Variants in KIF15 observed in about 807,000 individuals in gnomAD.
KIF15 encodes kinesin-like protein KIF15.
A neutral mutation model predicts 190.6 loss-of-function variants in KIF15; 140 were observed. The observed-to-expected ratio is 0.73, with a 90% CI of 0.64 to 0.84. KIF15 has a LOEUF of 0.84. KIF15 is among the 40% of genes least tolerant of loss of function. The pLI, the probability that KIF15 is intolerant of heterozygous loss-of-function variation, is 0.00. For missense variants in KIF15, 1,372 were observed against 1,584.4 expected (o/e 0.87, Z 2.28); for synonymous variants, 528 against 551.3 (o/e 0.96, Z 0.59).
intron 10 of KIF15, among the ~76,000 whole-genome samples, chr3:44,799,503 G>A (rs924738259): frequency 5.9e-5 from 9 of 151,502 alleles, no homozygotes; most frequent in Admixed American, 1.3e-4. Flanking sequence ...GTTGGCACTC[G>A]TTATCACCCT....
Position 44,796,545 on chromosome 3 carries a change from G to A in KIF15, c.850-1006G>A, listed in dbSNP as rs146158828. On this transcript the variant is annotated intron_variant, in intron 8 of 34. Transcript: ENST00000326047. The stretch of plus-strand genomic sequence containing the variant: ...CTGAGATTCAAACCGAGCTGCTACA[G>A]TACTCTCAACCATGCCACTAACCAC... 8.4e-3 allele frequency among the ~76,000 whole-genome samples: 1,275 copies of A among 152,296 alleles called. 16 individuals are homozygous for A. Among genetic ancestry groups the A allele is most frequent in the African/African-American group, 0.028 (1,165 of 41,564 alleles).
chr3:44,786,672 G>A, intron 7 of KIF15, 98 bp downstream of exon 7: 2 of 878,356 alleles, frequency 2.3e-6, no homozygotes, highest in East Asian at 2.6e-5. Flanking sequence ...CCAAAAATAT[G>A]TCATAAAGGC....
intron 5 of KIF15, among the ~76,000 whole-genome samples, chr3:44,783,881 T>C (rs1706280836): frequency 6.6e-6 from 1 of 152,246 alleles, no homozygotes; most frequent in Admixed American, 6.5e-5. Context: ...CTAGATCTTT[T>C]CTAGCTATAT....
intron 6 of KIF15, among the ~76,000 whole-genome samples, chr3:44,861,060 C>T (rs1202083346): frequency 6.6e-6 from 1 of 152,190 alleles, no homozygotes; most frequent in Non-Finnish European, 1.5e-5. Context: ...GGCATGATCT[C>T]AGCTCACCAC....
At chr3:44,778,515 T>C (rs1706003644) in intron 4 of KIF15, among the ~76,000 whole-genome samples, 1 of 152,166 alleles carries the variant, frequency 6.6e-6, no homozygotes. Context: ...TCTTCTTCCT[T>C]AGTCACACCT....
At chr3:44,865,010 G>C in intron 6 of KIF15, 3 of 1,612,138 alleles carry the variant, frequency 1.9e-6, no homozygotes, top group Non-Finnish European at 2.5e-6. Flanking sequence ...TGCTGAAGTT[G>C]AGTCCCTCAC....
intron 6 of KIF15, chr3:44,865,045 C>G: frequency 6.2e-7 from 1 of 1,614,080 alleles, no homozygotes; most frequent in Non-Finnish European, 8.5e-7. Flanking sequence ...CGCAGGCCTT[C>G]CTGGGCTATG....
intron 20 of KIF15, among the ~76,000 whole-genome samples, chr3:44,815,543 T>C (rs1170166094): frequency 6.6e-6 from 1 of 152,150 alleles, no homozygotes; most frequent in Admixed American, 6.5e-5. Context: ...TGACATAGAG[T>C]AATGTGCCTG....
At chr3:44,810,797 C>A in intron 16 of KIF15, 49 bp from the exon 17 acceptor site, 1 of 1,393,928 alleles carries the variant, frequency 7.2e-7, no homozygotes, top group Non-Finnish European at 9.9e-7. Context: ...ATTAAATATG[C>A]CCTTTTTAAA....
intron 20 of KIF15, among the ~76,000 whole-genome samples, chr3:44,819,985 T>C (rs1300888425): frequency 3.3e-5 from 5 of 152,368 alleles, no homozygotes; most frequent in Non-Finnish European, 5.9e-5. Flanking sequence ...AATTGATCCC[T>C]TTATCATTAT....
rs1706269007 is a variant in KIF15 at position 44,783,592 on chromosome 3, A to T, written c.362-1253A>T. Among the ~76,000 whole-genome samples, 5 of 97,204 alleles carry T rather than the reference A, an allele frequency of 5.1e-5. No homozygotes were observed. In the South Asian group the frequency reaches 1.9e-3, roughly 38 times the overall value. 63.8% of individuals were successfully genotyped at this position (97,204 alleles called of 152,430 possible). On this transcript the variant is annotated intron_variant, in intron 5 of 34. Transcript: ENST00000326047. ...GGGGCAAAACATACTATATCTTTAT[A>T]TAATATATTCTTCAATGGGAAAATG...
Position 44,775,322 on chromosome 3 carries a change from A to G in KIF15, c.131A>G (p.Asp44Gly). Residue 44 changes from aspartate to glycine, a missense_variant, in exon 3 of 35, where the codon GAT becomes GGT. Transcript: ENST00000326047. ...RPPAERSGSA[D>G]GEQNLCLSVL... ...CCTGCAGAAAGATCTGGGTCAGCTG[A>G]TGGAGAGCAGAACTTATGCTTATCT... The G allele has an allele frequency of 6.2e-7, 1 of 1,614,076 alleles. No homozygotes were observed. Among genetic ancestry groups the G allele is most frequent in the South Asian group, 1.1e-5 (1 of 91,084 alleles).
Position 44,843,249 on chromosome 3 carries a change from C to G in KIF15, c.3695+15C>G, listed in dbSNP as rs760289291. On this transcript the variant is annotated intron_variant, in intron 30 of 34. Transcript: ENST00000326047. ...AAGGAAAACAGGTGAGAAAGAACCA[C>G]GAGAACTCTATGGGCTAAATCTTGG... 4.5e-6 allele frequency: 7 copies of G among 1,548,212 alleles called. No homozygotes were observed. The highest frequency in any genetic ancestry group is 6.2e-6 in the Non-Finnish European group (7 of 1,122,576).
rs751819854 is a variant in KIF15 at position 44,838,363 on chromosome 3, A to C, written c.3260A>C (p.Gln1087Pro). The change falls in exon 27 of 35, where the codon CAG (glutamine) becomes CCG (proline). Residue 1087 changes from glutamine to proline, a missense_variant. By Grantham distance (76) the Gln-to-Pro change is moderately conservative. Coordinates refer to ENST00000326047, the MANE Select transcript of KIF15 (RefSeq NM_020242.3). ...TCAAAAAAACACTCGGGGCTGCTGC[A>C]GTCTGCCCAGGAAGAACTGACCAAG... ...EASKKHSGLL[Q>P]SAQEELTKKE... 6.2e-7 allele frequency: 1 copy of C among 1,614,136 alleles called. No homozygotes were observed. The highest frequency in any genetic ancestry group is 8.5e-7 in the Non-Finnish European group (1 of 1,180,004).
intron 11 of KIF15, 107 bp downstream of exon 11, chr3:44,800,544 A>G: frequency 8.3e-7 from 1 of 1,202,694 alleles, no homozygotes; most frequent in Non-Finnish European, 1.2e-6. Context: ...ATTTTTCTGC[A>G]GGTATCTCTT....
intron 20 of KIF15, among the ~76,000 whole-genome samples, chr3:44,824,682 A>G (rs991710551): frequency 6.6e-6 from 1 of 152,194 alleles, no homozygotes; most frequent in African/African-American, 2.4e-5. Flanking sequence ...GTTGAACTAC[A>G]TCAAAAAATG....
intron 1 of KIF15, among the ~76,000 whole-genome samples, chr3:44,767,216 A>G (rs1313619154): frequency 6.6e-6 from 1 of 152,150 alleles, no homozygotes; most frequent in Non-Finnish European, 1.5e-5. Context: ...TAACAGAATT[A>G]TTCTGCCCGC....
chr3:44,767,000 C>T (rs867526467), intron 1 of KIF15, among the ~76,000 whole-genome samples: 10 of 151,818 alleles, frequency 6.6e-5, no homozygotes, highest in East Asian at 1.9e-4. Flanking sequence ...TTAGTAGAGA[C>T]GGGGTTTCAC....
At chr3:44,801,641 G>A in intron 12 of KIF15, 115 bp downstream of exon 12, 4 of 955,850 alleles carry the variant, frequency 4.2e-6, no homozygotes, top group Non-Finnish European at 6.4e-6. Flanking sequence ...GTAATGGAAG[G>A]CTATGAAAAA....
Sources: gnomAD v4.1 joint callset for allele counts (sites outside exome capture counted in the v4.1 genomes callset) on GRCh38, gnomAD v4.1.1 for gene constraint, MANE v1.5 for transcripts, NCBI Gene and HGNC (gene_info 2026-07-23, HGNC 2026-07-21) for gene names.